GABBR2: variants seen among roughly 807,000 people sequenced by gnomAD.
The protein encoded by GABBR2 is G-protein coupled receptor 51.
GABBR2 carries 23 observed loss-of-function variants against 105.6 expected under a neutral mutation model. That is an observed-to-expected ratio of 0.22 (90% CI 0.16 to 0.31). The LOEUF is 0.31. GABBR2 is among the 10% of genes least tolerant of loss of function. The pLI is 1.00. For missense variants in GABBR2, 734 were observed against 1,245.5 expected (o/e 0.59, Z 6.18); for synonymous variants, 478 against 499.7 (o/e 0.96, Z 0.58).
intron 7 of GABBR2, among the ~76,000 whole-genome samples, chr9:98,419,282 T>G (rs1189015227): frequency 6.6e-6 from 1 of 152,204 alleles, no homozygotes; most frequent in East Asian, 1.9e-4. Flanking sequence ...TGGGTTCTAC[T>G]CTGGGATCCC....
intron 1 of GABBR2, among the ~76,000 whole-genome samples, chr9:98,584,770 T>C (rs1334205884): frequency 6.6e-6 from 1 of 152,194 alleles, no homozygotes; most frequent in African/African-American, 2.4e-5. Context: ...AATTTCAGAA[T>C]GGAAAGAGAA....
intron 13 of GABBR2, among the ~76,000 whole-genome samples, chr9:98,319,504 C>T (rs1042392610): frequency 6.6e-6 from 1 of 151,690 alleles, no homozygotes; most frequent in Non-Finnish European, 1.5e-5. Flanking sequence ...TAAGATCACC[C>T]ACCAGGGTTT....
intron 8 of GABBR2, among the ~76,000 whole-genome samples, chr9:98,400,898 G>A (rs1383828032): frequency 1.4e-5 from 2 of 146,480 alleles, no homozygotes; most frequent in Non-Finnish European, 3.0e-5. Context: ...TGGGAATAAA[G>A]GAGGGAAATA....
At chr9:98,645,253 G>T (rs143245276) in intron 1 of GABBR2, among the ~76,000 whole-genome samples, 223 of 152,326 alleles carry the variant, frequency 1.5e-3, no homozygotes, top group African/African-American at 5.2e-3. Flanking sequence ...GTGGTAACCA[G>T]CATGTAGTGA....
intron 7 of GABBR2, among the ~76,000 whole-genome samples, chr9:98,411,495 C>T (rs1022180151): frequency 2.6e-5 from 4 of 152,034 alleles, no homozygotes; most frequent in African/African-American, 4.8e-5. Context: ...GGATGGGGCA[C>T]AGCAAGGGGT....
intron 3 of GABBR2, among the ~76,000 whole-genome samples, chr9:98,523,490 G>A (rs1215884103): frequency 1.3e-5 from 2 of 152,202 alleles, no homozygotes; most frequent in Admixed American, 6.5e-5. Flanking sequence ...GAGGATAAAC[G>A]TGTAGCTCTA....
chr9:98,550,948 C>CA (rs59811115), intron 2 of GABBR2, among the ~76,000 whole-genome samples: 15,481 of 149,482 alleles, frequency 0.1, 886 homozygotes, highest in South Asian at 0.15. Context: ...TACACTCACT[C>CA]AAAAAAAAAA....
chr9:98,546,607 A>G (rs1235868355), intron 2 of GABBR2, among the ~76,000 whole-genome samples: 2 of 152,150 alleles, frequency 1.3e-5, no homozygotes, highest in South Asian at 4.1e-4. Flanking sequence ...CCCTTACTGT[A>G]TTTTTGCTTG....
In GABBR2 at chr9:98,388,291, A is replaced by T. The variant is rs920841335; in HGVS notation, c.1529+563T>A. On this transcript the variant is annotated intron_variant, in intron 10 of 18. Transcript: ENST00000259455. The surrounding 1 kb of genome is among the most constrained non-coding windows in gnomAD (Gnocchi z 4.4). ...CAGCAGCACTCTGTCGCTGAACTTC[A>T]GGGCTTTTCTCTGTGAAATGAGGAG... Among the ~76,000 whole-genome samples, 3 of 152,204 alleles carry T rather than the reference A, an allele frequency of 2.0e-5. No homozygotes were observed. The highest frequency in any genetic ancestry group is 4.8e-5 in the African/African-American group (2 of 41,452).
intron 1 of GABBR2, among the ~76,000 whole-genome samples, chr9:98,670,729 CA>C (rs1249087383): frequency 6.6e-6 from 1 of 152,108 alleles, no homozygotes; most frequent in African/African-American, 2.4e-5. Context: ...AAGTCAGTCA[CA>C]AAAAGACAAA....
chr9:98,511,666 A>C (rs1291379397), intron 3 of GABBR2, among the ~76,000 whole-genome samples: 3 of 152,238 alleles, frequency 2.0e-5, no homozygotes, highest in African/African-American at 7.2e-5. Flanking sequence ...GAAGAAATGG[A>C]TAAATACCTC....
At chr9:98,377,811 C>T (rs1330038935) in intron 11 of GABBR2, among the ~76,000 whole-genome samples, 1 of 152,132 alleles carries the variant, frequency 6.6e-6, no homozygotes, top group African/African-American at 2.4e-5. Context: ...AAGCGGGCAT[C>T]TGTACCCCAT....
chr9:98,498,175 G>C (rs1827321912), intron 3 of GABBR2, among the ~76,000 whole-genome samples: 1 of 148,850 alleles, frequency 6.7e-6, no homozygotes, highest in Admixed American at 6.8e-5. Context: ...AGATACTCAG[G>C]TTAGTCACAT....
chr9:98,507,656 C>T (rs1320663164), intron 3 of GABBR2, among the ~76,000 whole-genome samples: 2 of 152,228 alleles, frequency 1.3e-5, no homozygotes, highest in Admixed American at 6.5e-5. Context: ...AGATCCCATA[C>T]ATCTTGAAAT....
At chr9:98,567,185 C>T (rs1183825) in intron 2 of GABBR2, among the ~76,000 whole-genome samples, 46,013 of 152,098 alleles carry the variant, frequency 0.3, 7,796 homozygotes, top group East Asian at 0.62. Flanking sequence ...CGGTGAAAGA[C>T]GCATAAACAA....
intron 3 of GABBR2, among the ~76,000 whole-genome samples, chr9:98,506,613 G>T (rs1406598229): frequency 6.6e-6 from 1 of 152,168 alleles, no homozygotes; most frequent in African/African-American, 2.4e-5. Context: ...AATGAAGGAA[G>T]AAATCTGGGG....
chr9:98,409,613 G>T (rs1832550110), intron 7 of GABBR2, among the ~76,000 whole-genome samples: 1 of 152,192 alleles, frequency 6.6e-6, no homozygotes, highest in Non-Finnish European at 1.5e-5. Context: ...CTGTTGAGAT[G>T]CCTTGCACCC....
chr9:98,482,343 A>T (rs912260671), intron 4 of GABBR2, among the ~76,000 whole-genome samples: 1 of 152,238 alleles, frequency 6.6e-6, no homozygotes, highest in Non-Finnish European at 1.5e-5. Flanking sequence ...AAGAGGGGAA[A>T]AAAAACACTG....
At chr9:98,663,764 A>G (rs370257252) in intron 1 of GABBR2, among the ~76,000 whole-genome samples, 178 of 152,240 alleles carry the variant, frequency 1.2e-3, no homozygotes, top group African/African-American at 4.0e-3. Flanking sequence ...TCCCATGAGG[A>G]AAGACCCTGT....
Sources: gnomAD v4.1 joint callset for allele counts (sites outside exome capture counted in the v4.1 genomes callset) on GRCh38, gnomAD v4.1.1 for gene constraint, Gnocchi (gnomAD v3.1) non-coding constraint, MANE v1.5 for transcripts, NCBI Gene and HGNC (gene_info 2026-07-23, HGNC 2026-07-21) for gene names.